Variants in LRRC8A observed in about 807,000 individuals in gnomAD.
LRRC8A encodes the protein leucine rich repeat containing 8 VRAC subunit A.
LRRC8A carries 24 observed loss-of-function variants against 52.5 expected under a neutral mutation model. The ratio of observed to expected loss-of-function variants is 0.46; its 90% CI spans 0.33 to 0.64. The LOEUF (loss-of-function observed/expected upper bound fraction) is 0.64. LRRC8A is among the 30% of genes least tolerant of loss of function. The pLI, the probability that LRRC8A is intolerant of heterozygous loss-of-function variation, is 0.02. For synonymous variants in LRRC8A, 492 were observed against 494.2 expected (o/e 1.00, Z 0.06); for missense variants, 677 against 1,094.7 (o/e 0.62, Z 5.38).
Position 128,907,203 on chromosome 9 carries a change from G to A in LRRC8A, c.39G>A (p.Thr13=), listed in dbSNP as rs765059684. 11 of 1,611,852 alleles carry A rather than the reference G, an allele frequency of 6.8e-6. No individual in the cohort carries two copies. Among genetic ancestry groups the A allele is most frequent in the Middle Eastern group, 3.3e-4 (2 of 6,082 alleles). ...CAGAGCTCCGCTACTTTGCGGACAC[G>A]CAGCCAGCATACCGGATCCTGAAGC... ...PVTELRYFAD[T]QPAYRILKPW... Residue 13 remains threonine (T), a synonymous_variant, in exon 3 of 4, where the codon ACG becomes ACA. Transcript: ENST00000372600. The surrounding 1 kb of genome is among the most constrained non-coding windows in gnomAD (Gnocchi z 9.3).
chr9:128,893,785 C>A (rs1009257173), intron 2 of LRRC8A, among the ~76,000 whole-genome samples: 2 of 152,090 alleles, frequency 1.3e-5, no homozygotes, highest in Admixed American at 6.6e-5. Context: ...TATAGACAGC[C>A]CTCTACAGTC....
intron 1 of LRRC8A, among the ~76,000 whole-genome samples, chr9:128,883,929 G>A (rs547236267): frequency 2.6e-5 from 4 of 151,960 alleles, no homozygotes; most frequent in East Asian, 3.9e-4. Flanking sequence ...AGCCAAGATC[G>A]CGCCATTGCA....
intron 2 of LRRC8A, among the ~76,000 whole-genome samples, chr9:128,889,667 G>A (rs1436545738): frequency 6.6e-6 from 1 of 151,782 alleles, no homozygotes; most frequent in Non-Finnish European, 1.5e-5. Flanking sequence ...GCTAATTTTT[G>A]TATTTTTAGT....
intron 1 of LRRC8A, among the ~76,000 whole-genome samples, chr9:128,884,153 G>A (rs748083831): frequency 6.6e-6 from 1 of 152,140 alleles, no homozygotes; most frequent in Admixed American, 6.6e-5. Context: ...CACTGCCGTG[G>A]GTCAGAACTC....
rs1167492067 is a variant in LRRC8A at position 128,899,705 on chromosome 9, C to T, written c.-8-7452C>T. Reference sequence around the variant, plus strand: ...GAGGTCCCTAGAGAAGTCAGATTGACAGAGAGAGGAAGTGGGATGGAGTGC... The same window carrying T: ...GAGGTCCCTAGAGAAGTCAGATTGATAGAGAGAGGAAGTGGGATGGAGTGC... On this transcript the variant is annotated intron_variant, in intron 2 of 3. Coordinates refer to ENST00000372600, the MANE Select transcript of LRRC8A (RefSeq NM_019594.4). This position sits in a 1 kb window ranked among gnomAD's most constrained non-coding sequence, Gnocchi z 4.0. 6.6e-6 allele frequency among the ~76,000 whole-genome samples: 1 copy of T among 152,042 alleles called. No individual in the cohort carries two copies. Among genetic ancestry groups the T allele is most frequent in the South Asian group, 2.1e-4 (1 of 4,828 alleles).
At chr9:128,882,879 C>G (rs1445695428) in intron 1 of LRRC8A, 2 of 398,228 alleles carry the variant, frequency 5.0e-6, no homozygotes, top group African/African-American at 4.1e-5. Context: ...GAGGCGAGAT[C>G]CAGTGAGGTC....
At chr9:128,890,169 T>TGTGTGTGTGTGTGTGTGTGC (rs1491190172) in intron 2 of LRRC8A, among the ~76,000 whole-genome samples, 12 of 148,450 alleles carry the variant, frequency 8.1e-5, no homozygotes, top group Non-Finnish European at 7.4e-5. Flanking sequence ...TGTGTGTGTG[T>TGTGTGTGTGTGTGTGTGTGC]GCTGGGAAGG....
chr9:128,913,760 C>G (rs1369660773), intron 3 of LRRC8A, among the ~76,000 whole-genome samples: 1 of 152,194 alleles, frequency 6.6e-6, no homozygotes, highest in Non-Finnish European at 1.5e-5. Context: ...TGGGAAGGCT[C>G]TGGCCCCTGG....
In LRRC8A at chr9:128,909,333, G is replaced by A. The variant is rs189203023; in HGVS notation, c.2157+12G>A. On this transcript the variant is annotated intron_variant, in intron 3 of 3. Coordinates refer to ENST00000372600, the MANE Select transcript of LRRC8A (RefSeq NM_019594.4). Reference sequence around the variant, plus strand: ...TCACGGCCAACCGGGTGAGTGGCCCGGCCACAGCTCTGCGTGTGGGCTGGC... The same window carrying A: ...TCACGGCCAACCGGGTGAGTGGCCCAGCCACAGCTCTGCGTGTGGGCTGGC... 651 of 1,609,362 alleles carry A rather than the reference G, an allele frequency of 4.0e-4. No individual in the cohort carries two copies. The highest frequency in any genetic ancestry group is 6.6e-4 in the Middle Eastern group (4 of 6,058).
In LRRC8A at chr9:128,897,568, C is replaced by T. The variant is rs149028661; in HGVS notation, c.-8-9589C>T. On this transcript the variant is annotated intron_variant, in intron 2 of 3. Transcript: ENST00000372600. ...TTAAAAAAAAATTTTTTTTTTGAGA[C>T]AGTTTTATTCTTGTTGCCCAGGCTG... Among the ~76,000 whole-genome samples, 663 of 151,730 alleles carry T rather than the reference C, an allele frequency of 4.4e-3. 3 individuals carry two copies. The highest frequency in any genetic ancestry group is 0.014 in the African/African-American group (592 of 41,360).
At chr9:128,883,482 G>A (rs1839224478) in intron 1 of LRRC8A, among the ~76,000 whole-genome samples, 1 of 152,208 alleles carries the variant, frequency 6.6e-6, no homozygotes, top group South Asian at 2.1e-4. Flanking sequence ...TCTCACTGGT[G>A]TTGCTTCCAT....
Position 128,907,665 on chromosome 9 carries a change from C to G in LRRC8A, c.501C>G (p.Pro167=), listed in dbSNP as rs373649025. ...TCCTGCTGAAGTGCTTCGACTCGCC[C>G]TGGACCACGAGGGCCCTGTCGGAGA... ...VSILLKCFDS[P]WTTRALSETV... is the part of the protein sequence containing the mutation. Residue 167 remains proline (P), a synonymous_variant, in exon 3 of 4, where the codon CCC becomes CCG. Coordinates refer to ENST00000372600, the MANE Select transcript of LRRC8A (RefSeq NM_019594.4). The surrounding 1 kb of genome is among the most constrained non-coding windows in gnomAD (Gnocchi z 9.3). 1.9e-6 allele frequency: 3 copies of G among 1,614,058 alleles called. No individual in the cohort carries two copies. Among genetic ancestry groups the G allele is most frequent in the East Asian group, 2.2e-5 (1 of 44,874 alleles).
At chr9:128,887,759 A>G (rs1480373656) in intron 2 of LRRC8A, among the ~76,000 whole-genome samples, 1 of 151,848 alleles carries the variant, frequency 6.6e-6, no homozygotes, top group African/African-American at 2.4e-5. Flanking sequence ...CTCCTGCCTC[A>G]GCCTCCCGAG....
Position 128,898,051 on chromosome 9 carries a change from T to A in LRRC8A, c.-8-9106T>A, listed in dbSNP as rs1235089983. Among the ~76,000 whole-genome samples, 9 of 94,830 alleles carry A rather than the reference T, an allele frequency of 9.5e-5. No individual in the cohort carries two copies. In the East Asian group the frequency reaches 2.4e-3, roughly 26 times the overall value. 62.2% of individuals were successfully genotyped at this position (94,830 alleles called of 152,430 possible). The stretch of plus-strand genomic sequence containing the variant: ...TCTAAGATTGTTCAGTGTGTGTGTG[T>A]GTGTGTGTGTGTGTGTGTGTGTGTG... On this transcript the variant is annotated intron_variant, in intron 2 of 3. Transcript: ENST00000372600.
chr9:128,907,218 G>T lies in LRRC8A; in HGVS notation c.54G>T (p.Arg18=). 1 of 1,613,682 alleles carries T rather than the reference G, an allele frequency of 6.2e-7. No individual in the cohort carries two copies. The highest frequency in any genetic ancestry group is 8.5e-7 in the Non-Finnish European group (1 of 1,179,656). ...RYFADTQPAY[R]ILKPWWDVFT... ...TTGCGGACACGCAGCCAGCATACCG[G>T]ATCCTGAAGCCGTGGTGGGATGTGT... The change falls in exon 3 of 4, where the codon CGG becomes CGT. Residue 18 remains arginine, a synonymous_variant. Coordinates refer to ENST00000372600, the MANE Select transcript of LRRC8A (RefSeq NM_019594.4). This position sits in a 1 kb window ranked among gnomAD's most constrained non-coding sequence, Gnocchi z 9.3.
Position 128,907,254 on chromosome 9 carries a change from C to T in LRRC8A, c.90C>T (p.Tyr30=). The change falls in exon 3 of 4, where the codon TAC becomes TAT. Residue 30 remains tyrosine, a synonymous_variant. Transcript: ENST00000372600. This position sits in a 1 kb window ranked among gnomAD's most constrained non-coding sequence, Gnocchi z 9.3. The part of the protein sequence containing the change: ...LKPWWDVFTD[Y]ISIVMLMIAV... ...CGTGGTGGGATGTGTTCACAGACTA[C>T]ATCTCTATCGTCATGCTGATGATTG... 2 of 1,614,122 alleles carry T rather than the reference C, an allele frequency of 1.2e-6. No individual in the cohort carries two copies. Among genetic ancestry groups the T allele is most frequent in the Non-Finnish European group, 1.7e-6 (2 of 1,180,028 alleles).
Position 128,917,062 on chromosome 9 carries a change from T to TAAA in LRRC8A, c.*691_*692insAAA, listed in dbSNP as rs1292950606. 1 of 113,800 alleles carries TAAA rather than the reference T, an allele frequency of 8.8e-6. No individual in the cohort carries two copies. The highest frequency in any genetic ancestry group is 1.8e-5 in the Non-Finnish European group (1 of 56,796). The allele number at this position is 113,800 out of a possible 1,614,324, so 7.0% of individuals were successfully genotyped here. On this transcript the variant is annotated 3_prime_UTR_variant, in exon 4 of 4. Transcript: ENST00000372600. ...TTTTTTTAATCAAAAAACAATTTTT[T>TAAA]TAAAAAAAAAGCTTTGAAAATGGAT...
rs770843536 is a variant in LRRC8A, at chr9:128,916,087, T to C, written c.2158-9T>C. ...CACCTCACTCTCACCCCTGCTTTTTTCCCTCCAGATCGAGACGCTCCCTCC... is the reference window on the plus strand; with the variant it reads ...CACCTCACTCTCACCCCTGCTTTTTCCCCTCCAGATCGAGACGCTCCCTCC... On this transcript the variant is annotated splice_polypyrimidine_tract_variant and intron_variant, in intron 3 of 3. Coordinates refer to ENST00000372600, the MANE Select transcript of LRRC8A (RefSeq NM_019594.4). This position sits in a 1 kb window ranked among gnomAD's most constrained non-coding sequence, Gnocchi z 6.1. The C allele has an allele frequency of 1.3e-6, 2 of 1,594,044 alleles. No homozygotes were observed. Among genetic ancestry groups the C allele is most frequent in the Non-Finnish European group, 1.7e-6 (2 of 1,166,000 alleles).
intron 2 of LRRC8A, among the ~76,000 whole-genome samples, chr9:128,898,039 AGTGT>A (rs58876901): frequency 0.013 from 1,741 of 136,428 alleles, 25 homozygotes; most frequent in East Asian, 0.046. Context: ...AAGATTGTTC[AGTGT>A]GTGTGTGTGT....
Sources: gnomAD v4.1 joint callset for allele counts (sites outside exome capture counted in the v4.1 genomes callset) on GRCh38, gnomAD v4.1.1 for gene constraint, Gnocchi (gnomAD v3.1) non-coding constraint, MANE v1.5 for transcripts, NCBI Gene and HGNC (gene_info 2026-07-23, HGNC 2026-07-21) for gene names.